MYO16: variants seen among roughly 807,000 people sequenced by gnomAD.
The protein encoded by MYO16 is myosin XVI.
Under a neutral mutation model 205.3 loss-of-function variants are expected in MYO16, and 94 were observed. The observed-to-expected ratio is 0.46, with a 90% CI of 0.39 to 0.54. The LOEUF (loss-of-function observed/expected upper bound fraction) is 0.54, where lower values mean the gene tolerates loss of function less well. MYO16 is among the 20% of genes least tolerant of loss of function. The pLI is 0.00. For missense variants in MYO16, 2,315 were observed against 2,387.5 expected, an observed-to-expected ratio of 0.97 and a Z score of 0.63; for synonymous variants, 988 against 954.0, an observed-to-expected ratio of 1.04 and a Z score of -0.66.
At chr13:108,993,985 G>A (rs1594453769) in intron 21 of MYO16, among the ~76,000 whole-genome samples, 1 of 152,144 alleles carries the variant, frequency 6.6e-6, no homozygotes, top group South Asian at 2.1e-4. Flanking sequence ...TAGGGGACTT[G>A]CCTCACAAGC....
chr13:108,963,826 GT>G (rs1371425025), intron 19 of MYO16, among the ~76,000 whole-genome samples: 5 of 152,022 alleles, frequency 3.3e-5, no homozygotes, highest in Non-Finnish European at 5.9e-5. Flanking sequence ...CACCCTGTGG[GT>G]GACCCACCTG....
At chr13:109,073,585 G>A (rs937567694) in intron 27 of MYO16, among the ~76,000 whole-genome samples, 6 of 152,140 alleles carry the variant, frequency 3.9e-5, no homozygotes, top group South Asian at 2.1e-4. Context: ...CAATAGACAA[G>A]TACCTGCTGA....
chr13:108,806,488 G>A lies in MYO16; in HGVS notation c.742-191G>A, dbSNP rs116876941. ...GGAAGGAAAATTAATAAACATAAGC[G>A]TACTTTCAAAGACTGATAATTACAC... On this transcript the variant is annotated intron_variant, in intron 6 of 34. Coordinates refer to ENST00000457511, the MANE Select transcript of MYO16 (RefSeq NM_001198950.3). Among the ~76,000 whole-genome samples, 99 of 152,162 alleles carry A rather than the reference G, an allele frequency of 6.5e-4. No homozygotes were observed. In the East Asian group the frequency reaches 0.017, roughly 26 times the overall value.
intron 21 of MYO16, among the ~76,000 whole-genome samples, chr13:108,992,708 A>G (rs1884876884): frequency 6.6e-6 from 1 of 152,306 alleles, no homozygotes; most frequent in East Asian, 1.9e-4. Flanking sequence ...GAGTTGTGCT[A>G]ATGGAAATGC....
At chr13:108,745,090 A>C (rs887517262) in intron 4 of MYO16, among the ~76,000 whole-genome samples, 3 of 152,240 alleles carry the variant, frequency 2.0e-5, no homozygotes, top group Non-Finnish European at 4.4e-5. Flanking sequence ...AACAAGAACA[A>C]ATCTGAACTG....
intron 27 of MYO16, among the ~76,000 whole-genome samples, chr13:109,074,882 T>A (rs1473833937): frequency 6.6e-6 from 1 of 151,978 alleles, no homozygotes; most frequent in East Asian, 1.9e-4. Flanking sequence ...CAATTCAACA[T>A]GAGATTTGGG....
At chr13:108,685,688 C>A (rs1192660702) in intron 2 of MYO16, among the ~76,000 whole-genome samples, 5 of 152,174 alleles carry the variant, frequency 3.3e-5, no homozygotes, top group African/African-American at 1.2e-4. Context: ...AATACCACAG[C>A]CTGGGCAGCT....
chr13:108,978,034 CTTTAT>C (rs1211795302), intron 20 of MYO16, among the ~76,000 whole-genome samples: 3 of 151,712 alleles, frequency 2.0e-5, no homozygotes, highest in Non-Finnish European at 4.4e-5. Context: ...TCATGCACAC[CTTTAT>C]TTTATTTCTT....
chr13:108,669,244 G>C (rs1881878613), intron 2 of MYO16, among the ~76,000 whole-genome samples: 1 of 152,076 alleles, frequency 6.6e-6, no homozygotes, highest in African/African-American at 2.4e-5. Flanking sequence ...TGGGAGCCAA[G>C]ATGAGTTTTC....
At chr13:108,975,356 G>A (rs1884214062) in intron 20 of MYO16, among the ~76,000 whole-genome samples, 1 of 152,072 alleles carries the variant, frequency 6.6e-6, no homozygotes, top group Non-Finnish European at 1.5e-5. Context: ...ATTCAACAAA[G>A]AGGTTTTTTA....
At chr13:108,703,508 G>A (rs1265890394) in intron 2 of MYO16, among the ~76,000 whole-genome samples, 13 of 152,072 alleles carry the variant, frequency 8.5e-5, no homozygotes, top group Middle Eastern at 3.2e-3. Flanking sequence ...AATGGATGGA[G>A]CTAGACAAAA....
upstream of MYO16, among the ~76,000 whole-genome samples, chr13:108,625,651 C>T (rs1879706432): frequency 6.6e-6 from 1 of 152,156 alleles, no homozygotes; most frequent in South Asian, 2.1e-4. Flanking sequence ...TAATTTACTT[C>T]ATCAAAGGCT....
intron 22 of MYO16, 43 bp from the exon 23 acceptor site, chr13:109,019,668 A>G: frequency 2.0e-6 from 3 of 1,471,128 alleles, no homozygotes; most frequent in Non-Finnish European, 2.8e-6. Context: ...ATATCAAACT[A>G]AGTAATAGAC....
At chr13:109,060,127 C>T (rs187280176) in intron 27 of MYO16, among the ~76,000 whole-genome samples, 4 of 152,252 alleles carry the variant, frequency 2.6e-5, no homozygotes, top group East Asian at 1.9e-4. Context: ...CCAGCAATCA[C>T]ATTACTGGGT....
chr13:109,199,796 TTAC>T (rs1311960202), intron 34 of MYO16, among the ~76,000 whole-genome samples: 2 of 152,202 alleles, frequency 1.3e-5, no homozygotes, highest in African/African-American at 4.8e-5. Flanking sequence ...AATATTTAAT[TTAC>T]TGTGAATATC....
At chr13:108,674,736 A>G (rs774773365) in intron 2 of MYO16, among the ~76,000 whole-genome samples, 7 of 152,160 alleles carry the variant, frequency 4.6e-5, no homozygotes, top group Middle Eastern at 3.2e-3. Context: ...AAGGATGACT[A>G]TTTCTCCAAC....
chr13:108,583,241 A>G, the MYO16 span, among the ~76,000 whole-genome samples: 2 of 152,200 alleles, frequency 1.3e-5, no homozygotes, highest in African/African-American at 4.8e-5. Context: ...TGATTAACGA[A>G]GGCACTCAGG....
intron 2 of MYO16, among the ~76,000 whole-genome samples, chr13:108,691,125 A>G (rs1882879209): frequency 6.6e-6 from 1 of 152,124 alleles, no homozygotes; most frequent in Non-Finnish European, 1.5e-5. Flanking sequence ...ATCAGCCTCA[A>G]ATCTTCACAG....
At chr13:109,197,005 G>A (rs1420790703) in intron 34 of MYO16, among the ~76,000 whole-genome samples, 2 of 151,980 alleles carry the variant, frequency 1.3e-5, no homozygotes, top group Non-Finnish European at 2.9e-5. Context: ...AATTTTTTCC[G>A]TGCCATCCCA....
Sources: allele counts gnomAD v4.1 joint callset (sites outside exome capture counted in the v4.1 genomes callset), GRCh38; gene constraint gnomAD v4.1.1; transcripts MANE v1.5; gene names NCBI Gene and HGNC (gene_info 2026-07-23, HGNC 2026-07-21).